The following ARMC9 variants were observed in gnomAD, a reference collection of about 807,000 sequenced individuals.
ARMC9 encodes lisH domain-containing protein ARMC9.
In ARMC9, 94 loss-of-function variants were observed where a neutral mutation model predicts 107.0. The ratio of observed to expected loss-of-function variants is 0.88; its 90% confidence interval spans 0.74 to 1.04. ARMC9 has a LOEUF of 1.04. Ranked by LOEUF, ARMC9 falls within the 50% of genes least tolerant of loss-of-function variation. ARMC9 has a pLI of 0.00. For missense variants in ARMC9, 942 were observed against 1,030.1 expected (o/e 0.91, Z 1.17); for synonymous variants, 380 against 396.9 (o/e 0.96, Z 0.51).
At chr2:231,340,788 T>G (rs2044449613) in intron 20 of ARMC9, among the ~76,000 whole-genome samples, 1 of 152,092 alleles carries the variant, frequency 6.6e-6, no homozygotes, top group Non-Finnish European at 1.5e-5. Flanking sequence ...CTCGGGAAGC[T>G]GAGGCAGGAG....
chr2:231,363,493 G>T (rs1332342901), intron 23 of ARMC9, among the ~76,000 whole-genome samples: 1 of 152,132 alleles, frequency 6.6e-6, no homozygotes, highest in East Asian at 1.9e-4. Flanking sequence ...ACTTAGCCCG[G>T]CTTTCAGGTG....
chr2:231,339,072 G>A (rs1184842486), intron 20 of ARMC9, among the ~76,000 whole-genome samples: 4 of 152,186 alleles, frequency 2.6e-5, no homozygotes, highest in Non-Finnish European at 5.9e-5. Context: ...GCTCACGCCT[G>A]TAATCCCAGC....
intron 1 of ARMC9, among the ~76,000 whole-genome samples, chr2:231,203,022 C>T (rs947859842): frequency 6.6e-6 from 1 of 152,182 alleles, no homozygotes; most frequent in African/African-American, 2.4e-5. Flanking sequence ...AACTCTCCCA[C>T]CCTGAATCCT....
chr2:231,356,586 A>G (rs933638242), intron 22 of ARMC9, among the ~76,000 whole-genome samples: 1 of 152,184 alleles, frequency 6.6e-6, no homozygotes, highest in East Asian at 1.9e-4. Context: ...TCTGAGAAAC[A>G]TCTGAGAACT....
chr2:231,334,280 A>G (rs2043936643), intron 20 of ARMC9, among the ~76,000 whole-genome samples: 1 of 152,232 alleles, frequency 6.6e-6, no homozygotes, highest in Non-Finnish European at 1.5e-5. Context: ...CTTCGTTTTG[A>G]AAGGCAGAAA....
intron 19 of ARMC9, among the ~76,000 whole-genome samples, chr2:231,312,468 A>T (rs966499797): frequency 2.0e-5 from 3 of 152,260 alleles, no homozygotes; most frequent in African/African-American, 7.2e-5. Flanking sequence ...GCCACATAGC[A>T]AAAGGATGTC....
At chr2:231,233,638 T>C (rs1479862276) in intron 7 of ARMC9, among the ~76,000 whole-genome samples, 1 of 152,074 alleles carries the variant, frequency 6.6e-6, no homozygotes, top group Non-Finnish European at 1.5e-5. Flanking sequence ...TAGCCGGGCA[T>C]GGTGGCACAT....
chr2:231,290,118 C>T (rs373825793), intron 17 of ARMC9, among the ~76,000 whole-genome samples: 1 of 152,166 alleles, frequency 6.6e-6, no homozygotes, highest in Admixed American at 6.5e-5. Flanking sequence ...CAGTTATACA[C>T]TTTGTCTTTT....
intron 23 of ARMC9, among the ~76,000 whole-genome samples, chr2:231,369,320 T>C (rs2045929276): frequency 6.6e-6 from 1 of 151,812 alleles, no homozygotes; most frequent in South Asian, 2.1e-4. Context: ...TGAGACAGAG[T>C]CTCACTCTGT....
intron 2 of ARMC9, among the ~76,000 whole-genome samples, chr2:231,207,567 C>T (rs1302310907): frequency 6.6e-6 from 1 of 151,966 alleles, no homozygotes; most frequent in Non-Finnish European, 1.5e-5. Context: ...CCTCCACCTC[C>T]TGGGCTCAAG....
At chr2:231,272,187 G>GTTTTTTTTT (rs56201225) in intron 13 of ARMC9, among the ~76,000 whole-genome samples, 12 of 99,720 alleles carry the variant, frequency 1.2e-4, no homozygotes, top group African/African-American at 1.8e-4. Context: ...TGTGTGTTTG[G>GTTTTTTTTT]TTTTTTTTTT....
rs1212242849 is a variant in ARMC9 at position 231,271,083 on chromosome 2, A to G, written c.1210+11A>G. On this transcript the variant is annotated intron_variant, in intron 13 of 24. Coordinates refer to ENST00000611582, the MANE Select transcript of ARMC9 (RefSeq NM_001352754.2). ...CGTCACTGGCAGAAGGTGAGACATC[A>G]GCTTTGCTTCAAAGATAAGAGCTAG... 6.2e-7 allele frequency: 1 copy of G among 1,613,662 alleles called. No individual in the cohort carries two copies. Among genetic ancestry groups the G allele is most frequent in the Middle Eastern group, 1.6e-4 (1 of 6,062 alleles).
At chr2:231,245,729 A>T (rs969823110) in intron 9 of ARMC9, among the ~76,000 whole-genome samples, 3 of 152,198 alleles carry the variant, frequency 2.0e-5, no homozygotes, top group Admixed American at 2.0e-4. Flanking sequence ...TCAGACATTT[A>T]GGTGGCTTTT....
chr2:231,232,068 C>T (rs1451090441), intron 7 of ARMC9, among the ~76,000 whole-genome samples: 1 of 148,700 alleles, frequency 6.7e-6, no homozygotes, highest in East Asian at 2.0e-4. Flanking sequence ...GCTCTGTCAC[C>T]AGGCTGGAGT....
chr2:231,235,404 T>C, intron 8 of ARMC9, 23 bp downstream of exon 8: 2 of 1,613,176 alleles, frequency 1.2e-6, no homozygotes, highest in Non-Finnish European at 1.7e-6. Context: ...CCTAATTGTG[T>C]GTATGTCTGT....
intron 5 of ARMC9, among the ~76,000 whole-genome samples, chr2:231,217,665 A>G (rs545886805): frequency 6.6e-6 from 1 of 152,086 alleles, no homozygotes; most frequent in South Asian, 2.1e-4. Context: ...TGACTTTTTC[A>G]GGATGTATAG....
chr2:231,314,582 G>T (rs1182846606), intron 19 of ARMC9, among the ~76,000 whole-genome samples: 2 of 152,138 alleles, frequency 1.3e-5, no homozygotes, highest in Non-Finnish European at 2.9e-5. Flanking sequence ...ATGCGTTATT[G>T]GGTGTTTAGC....
intron 21 of ARMC9, among the ~76,000 whole-genome samples, chr2:231,347,234 C>T (rs2125585580): frequency 6.6e-6 from 1 of 152,342 alleles, no homozygotes; most frequent in South Asian, 2.1e-4. Context: ...TTCCTGAAAC[C>T]ATGGACCTTC....
rs59126233 is a variant in ARMC9, at chr2:231,328,814, C to G, written c.1774-2979C>G. ...AGCGTGTTCAATTTTCTTTTCTTTT[C>G]TTTTCTTTTTTTTTTTTTGAGTCGG... is the stretch of plus-strand genomic sequence containing the variant. On this transcript the variant is annotated intron_variant, in intron 19 of 24. Transcript: ENST00000611582. Among the ~76,000 whole-genome samples, 6 of 127,342 alleles carry G rather than the reference C, an allele frequency of 4.7e-5. 1 individual carries two copies. Among genetic ancestry groups the G allele is most frequent in the African/African-American group, 1.7e-4 (6 of 34,766 alleles). The allele number at this position is 127,342 out of a possible 152,430, so 83.5% of individuals were successfully genotyped here.
Sources: allele counts gnomAD v4.1 joint callset (sites outside exome capture counted in the v4.1 genomes callset), GRCh38; gene constraint gnomAD v4.1.1; transcripts MANE v1.5; gene names NCBI Gene and HGNC (gene_info 2026-07-23, HGNC 2026-07-21).